The following ZNF25 variants were observed in gnomAD, a reference collection of about 807,000 sequenced individuals.
ZNF25 encodes zinc finger protein 25 (KOX 19).
Under a neutral mutation model 30.9 loss-of-function variants are expected in ZNF25, and 21 were observed. That is an observed-to-expected ratio of 0.68 (90% CI 0.48 to 0.98). ZNF25 has a LOEUF of 0.98. Ranked by LOEUF, ZNF25 falls within the 50% of genes least tolerant of loss-of-function variation. The pLI is 0.00. For synonymous variants in ZNF25, 169 were observed against 181.3 expected, an observed-to-expected ratio of 0.93 and a Z score of 0.55; for missense variants, 501 against 529.9, an observed-to-expected ratio of 0.95 and a Z score of 0.54.
intron 1 of ZNF25, among the ~76,000 whole-genome samples, chr10:37,975,715 A>C (rs2063770124): frequency 6.6e-6 from 1 of 152,064 alleles, no homozygotes; most frequent in Non-Finnish European, 1.5e-5. Context: ...TAAATAATTC[A>C]CCTTTTGACT....
chr10:37,966,623 T>C (rs1036264098), intron 2 of ZNF25, among the ~76,000 whole-genome samples: 4 of 152,078 alleles, frequency 2.6e-5, no homozygotes, highest in African/African-American at 9.7e-5. Flanking sequence ...TACACACTTT[T>C]ACCCAGATCT....
At chr10:37,960,588 C>A (rs2062807374) in intron 2 of ZNF25, among the ~76,000 whole-genome samples, 1 of 145,026 alleles carries the variant, frequency 6.9e-6, no homozygotes, top group Admixed American at 7.1e-5. Flanking sequence ...CACACCACTG[C>A]ACTCCTGCCT....
At chr10:37,957,141 T>C (rs760155040) in intron 3 of ZNF25, 26 bp from the exon 4 acceptor site, 1 of 1,594,192 alleles carries the variant, frequency 6.3e-7, no homozygotes, top group African/African-American at 1.3e-5. Flanking sequence ...ATCAAGGAAA[T>C]GATACAAATT....
In ZNF25 at chr10:37,952,643, G is replaced by C; in HGVS notation, c.855C>G (p.Pro285=). The C allele has an allele frequency of 6.2e-7, 1 of 1,613,734 alleles. No homozygotes were observed. Among genetic ancestry groups the C allele is most frequent in the South Asian group, 1.1e-5 (1 of 91,068 alleles). The change falls in exon 6 of 6, where the codon CCC becomes CCG. Residue 285 remains proline, a synonymous_variant. Transcript: ENST00000302609. ...VHQRMHTGEK[P]YKCKECGKFF... ...ATTTCCCACATTCCTTACATTTATA[G>C]GGTTTCTCCCCTGTGTGCATTCTCT...
rs191081643 is a variant in ZNF25, at chr10:37,953,615, A to G, written c.302+80T>C. On this transcript the variant is annotated intron_variant, in intron 5 of 5. Transcript: ENST00000302609. The stretch of plus-strand genomic sequence containing the variant: ...AGTTTTCTCACGTTTAGTATTAACT[A>G]GTGCCCTCCCATTTCTAGTAACTCC... 3.1e-6 allele frequency: 4 copies of G among 1,306,958 alleles called. No homozygotes were observed. The East Asian group carries it at 9.3e-5, about 30-fold the overall frequency. 81.0% of individuals were successfully genotyped at this position (1,306,958 alleles called of 1,614,324 possible).
chr10:37,971,836 G>C (rs1392227039), intron 1 of ZNF25, 29 bp from the exon 2 acceptor site: 5 of 1,432,296 alleles, frequency 3.5e-6, no homozygotes, highest in Admixed American at 1.7e-5. Flanking sequence ...CAACATTTTA[G>C]TAAAATATAT....
At chr10:37,968,619 T>C (rs1394079946) in intron 2 of ZNF25, among the ~76,000 whole-genome samples, 1 of 152,104 alleles carries the variant, frequency 6.6e-6, no homozygotes, top group African/African-American at 2.4e-5. Context: ...CCTCCCAAAA[T>C]GCTGGGATTA....
chr10:37,955,701 C>A (rs892957940), intron 4 of ZNF25, among the ~76,000 whole-genome samples: 12 of 152,012 alleles, frequency 7.9e-5, no homozygotes, highest in African/African-American at 2.7e-4. Context: ...TTTTCATGAA[C>A]ATGAGTCTCA....
chr10:37,970,870 AT>A (rs766090841), intron 2 of ZNF25, among the ~76,000 whole-genome samples: 10 of 152,114 alleles, frequency 6.6e-5, no homozygotes, highest in Non-Finnish European at 1.2e-4. Context: ...CAAACATTAT[AT>A]TTTAGGGTAG....
At chr10:37,963,422 T>C (rs2063001297) in intron 2 of ZNF25, among the ~76,000 whole-genome samples, 1 of 152,134 alleles carries the variant, frequency 6.6e-6, no homozygotes, top group East Asian at 1.9e-4. Context: ...GTGCCCAGCC[T>C]CAGTGGAGTA....
chr10:37,975,687 G>A (rs1328871993), intron 1 of ZNF25, among the ~76,000 whole-genome samples: 1 of 152,212 alleles, frequency 6.6e-6, no homozygotes, highest in Non-Finnish European at 1.5e-5. Flanking sequence ...ACTAAGGTTG[G>A]AGGATGCAGG....
At chr10:37,968,262 T>C (rs1401962270) in intron 2 of ZNF25, among the ~76,000 whole-genome samples, 1 of 152,122 alleles carries the variant, frequency 6.6e-6, no homozygotes, top group African/African-American at 2.4e-5. Flanking sequence ...TTCACCGTAT[T>C]GGCCAGGCCT....
At chr10:37,960,313 C>A (rs2062782092) in intron 2 of ZNF25, among the ~76,000 whole-genome samples, 1 of 151,836 alleles carries the variant, frequency 6.6e-6, no homozygotes, top group Admixed American at 6.6e-5. Context: ...TCTAGAAGAG[C>A]CCAAAAAGGA....
At chr10:37,961,773 T>C (rs1239043288) in intron 2 of ZNF25, among the ~76,000 whole-genome samples, 2 of 146,080 alleles carry the variant, frequency 1.4e-5, no homozygotes, top group East Asian at 2.0e-4. Context: ...AATACAAAAT[T>C]AGCCAGGCGT....
At chr10:37,976,189 G>C (rs1006501813) in intron 1 of ZNF25, among the ~76,000 whole-genome samples, 2 of 152,252 alleles carry the variant, frequency 1.3e-5, no homozygotes, top group African/African-American at 4.8e-5. Context: ...CGCTGGACCA[G>C]AGCCCACGTC....
chr10:37,968,483 G>A (rs2063312590), intron 2 of ZNF25, among the ~76,000 whole-genome samples: 1 of 151,910 alleles, frequency 6.6e-6, no homozygotes, highest in South Asian at 2.1e-4. Context: ...AGCCTCCCAA[G>A]TAGCTGGGAC....
At chr10:37,963,913 T>A (rs922626960) in intron 2 of ZNF25, among the ~76,000 whole-genome samples, 2 of 152,166 alleles carry the variant, frequency 1.3e-5, no homozygotes, top group East Asian at 1.9e-4. Flanking sequence ...AGGCAGAGGT[T>A]GCCGTGAGCC....
At chr10:37,971,454 G>C (rs1220299462) in intron 2 of ZNF25, among the ~76,000 whole-genome samples, 1 of 152,042 alleles carries the variant, frequency 6.6e-6, no homozygotes, top group Non-Finnish European at 1.5e-5. Flanking sequence ...CTACATCTTA[G>C]CACTCTGAGT....
intron 2 of ZNF25, among the ~76,000 whole-genome samples, chr10:37,964,791 C>T (rs966647056): frequency 2.0e-5 from 3 of 152,166 alleles, no homozygotes; most frequent in African/African-American, 7.2e-5. Context: ...TGTGGAGCAA[C>T]CACTTGCTAG....
Sources: allele counts gnomAD v4.1 joint callset (sites outside exome capture counted in the v4.1 genomes callset), GRCh38; gene constraint gnomAD v4.1.1; transcripts MANE v1.5; gene names NCBI Gene and HGNC (gene_info 2026-07-23, HGNC 2026-07-21).